The following PRIMA1 variants were observed in gnomAD, a reference collection of about 807,000 sequenced individuals.
PRIMA1 encodes the protein proline-rich membrane anchor 1.
A neutral mutation model predicts 17.5 loss-of-function variants in PRIMA1; 7 were observed. That is an observed-to-expected ratio of 0.40 (90% CI 0.23 to 0.75). PRIMA1 has a LOEUF of 0.75. Ranked by LOEUF, PRIMA1 falls within the 30% of genes least tolerant of loss-of-function variation. The pLI is 0.37. For synonymous variants in PRIMA1, 97 were observed against 77.9 expected, an observed-to-expected ratio of 1.25 and a Z score of -1.29; for missense variants, 200 against 201.8, an observed-to-expected ratio of 0.99 and a Z score of 0.05.
intron 3 of PRIMA1, among the ~76,000 whole-genome samples, chr14:93,758,659 T>C (rs1595211988): frequency 7.4e-6 from 1 of 134,856 alleles, no homozygotes; most frequent in African/African-American, 2.8e-5. Flanking sequence ...AAGCAAAGAG[T>C]AGAACAAAAG....
rs1024249848 is a variant in PRIMA1, at chr14:93,737,443, C to T, written c.230-73G>A. The stretch of plus-strand genomic sequence containing the variant: ...TGGCCAGTGACAGAGGTGGGACCAT[C>T]ATGGGTGACACCAACAGAGGCGTGG... On this transcript the variant is annotated intron_variant, in intron 3 of 4. Coordinates refer to ENST00000393140, the MANE Select transcript of PRIMA1 (RefSeq NM_178013.4). The T allele has an allele frequency of 8.4e-6, 13 of 1,550,142 alleles. No homozygotes were observed. In the African/African-American group the frequency reaches 1.6e-4, roughly 20 times the overall value.
At chr14:93,763,288 C>G (rs368094923) in intron 3 of PRIMA1, among the ~76,000 whole-genome samples, 1 of 152,194 alleles carries the variant, frequency 6.6e-6, no homozygotes, top group Non-Finnish European at 1.5e-5. Context: ...TCTAAACCCC[C>G]GATCAGTGCA....
intron 3 of PRIMA1, among the ~76,000 whole-genome samples, chr14:93,743,948 G>C (rs924453748): frequency 5.9e-5 from 9 of 152,244 alleles, no homozygotes; most frequent in Non-Finnish European, 1.0e-4. Flanking sequence ...TGTCCTCTTC[G>C]GCCCTGCCTC....
chr14:93,775,175 C>A (rs1404911502), intron 3 of PRIMA1, among the ~76,000 whole-genome samples: 7 of 152,232 alleles, frequency 4.6e-5, no homozygotes. Context: ...ATGCAAAGGA[C>A]ATCAGATGAG....
intron 3 of PRIMA1, among the ~76,000 whole-genome samples, chr14:93,778,582 G>C (rs1341406013): frequency 6.6e-6 from 1 of 152,226 alleles, no homozygotes; most frequent in African/African-American, 2.4e-5. Context: ...AGTAGCAATT[G>C]TAAACAGGGA....
At position 93,782,458 on chromosome 14, in the gene PRIMA1, A is replaced by AT. The variant is rs548733317; in HGVS notation, c.94-3148dup. On this transcript the variant is annotated intron_variant, in intron 2 of 4. Transcript: ENST00000393140. ...ATAGAGTGAGACCTCATCTCTACAA[A>AT]TTTTTTTTTTTAATTAGCTGGGCAT... 9.6e-3 allele frequency among the ~76,000 whole-genome samples: 1,435 copies of AT among 149,212 alleles called. 12 individuals carry two copies. The highest frequency in any genetic ancestry group is 0.03 in the African/African-American group (1,217 of 40,680).
Position 93,779,233 on chromosome 14 carries a change from G to T in PRIMA1, c.172C>A (p.Pro58Thr). Residue 58 changes from proline to threonine, a missense_variant, in exon 3 of 5, where the codon CCC (proline) becomes ACC (threonine). Transcript: ENST00000393140. ...CRHVCQCRPP[P>T]PLPPPPPPPP... ...GGTGGGGGCGGCGGGGGCAGCGGGGGAGGGGGCCGGCACTGGCAGACGTGT... is the reference window on the plus strand; with the variant it reads ...GGTGGGGGCGGCGGGGGCAGCGGGGTAGGGGGCCGGCACTGGCAGACGTGT... 1 of 1,094,122 alleles carries T rather than the reference G, an allele frequency of 9.1e-7. No individual in the cohort carries two copies. The highest frequency in any genetic ancestry group is 1.3e-6 in the Non-Finnish European group (1 of 775,666). 67.8% of individuals were successfully genotyped at this position (1,094,122 alleles called of 1,614,324 possible).
At chr14:93,787,498 T>C (rs992521390) in intron 2 of PRIMA1, 128 bp downstream of exon 2, 3 of 1,384,664 alleles carry the variant, frequency 2.2e-6, no homozygotes, top group Non-Finnish European at 3.0e-6. Context: ...GCAGCTTTTC[T>C]TTTCCCAAGC....
Position 93,747,729 on chromosome 14 carries a change from AGT to A in PRIMA1, c.230-10361_230-10360del, listed in dbSNP as rs201465719. ...GTGTGAGTGTATGAGTGTGTATATG[AGT>A]GTGCGAGTGGGAAGTGTGTGGAGTG... On this transcript the variant is annotated intron_variant, in intron 3 of 4. Transcript: ENST00000393140. Among the ~76,000 whole-genome samples the A allele has an allele frequency of 1.5e-3, 218 of 148,088 alleles. 1 individual carries two copies. The East Asian group carries it at 0.028, about 19-fold the overall frequency.
Position 93,737,327 on chromosome 14 carries a change from C to T in PRIMA1, c.273G>A (p.Ser91=), listed in dbSNP as rs751699834. 5 of 1,614,120 alleles carry T rather than the reference C, an allele frequency of 3.1e-6. No individual in the cohort carries two copies. Among genetic ancestry groups the T allele is most frequent in the East Asian group, 2.2e-5 (1 of 44,884 alleles). ...TSCPTEESWW[S]GLVIIIAVCC... ...ATACGGCAATGATGATCACCAGCCC[C>T]GACCACCAGCTTTCCTCAGTGGGGC... Residue 91 remains serine, a synonymous_variant, in exon 4 of 5, where the codon TCG becomes TCA. Transcript: ENST00000393140.
Position 93,721,506 on chromosome 14 carries a change from C to T in PRIMA1, c.400G>A (p.Glu134Lys). ...RKDENGTSVA[E>K]YPMSASQSNK... ...CTCTGCGAAGCACTCATGGGATACT[C>T]AGCAACGCTGGTGCCATTTTCGTCT... Residue 134 changes from glutamate (E) to lysine (K), a missense_variant, in exon 5 of 5, where the codon GAG becomes AAG. Coordinates refer to ENST00000393140, the MANE Select transcript of PRIMA1 (RefSeq NM_178013.4). The T allele has an allele frequency of 6.2e-7, 1 of 1,613,972 alleles. No homozygotes were observed. The highest frequency in any genetic ancestry group is 1.1e-5 in the South Asian group (1 of 91,052).
upstream of PRIMA1, among the ~76,000 whole-genome samples, chr14:93,788,887 C>T (rs1010230285): frequency 6.6e-6 from 1 of 151,742 alleles, no homozygotes; most frequent in Admixed American, 6.6e-5. Flanking sequence ...TTCCTGGTGG[C>T]GCCGCGCGGC....
At chr14:93,736,417 G>A (rs186478142) in intron 4 of PRIMA1, among the ~76,000 whole-genome samples, 3 of 152,344 alleles carry the variant, frequency 2.0e-5, no homozygotes, top group Non-Finnish European at 2.9e-5. Context: ...CTGAGGTATT[G>A]CTGATTACAG....
chr14:93,726,070 G>A lies in PRIMA1; in HGVS notation c.360-4524C>T. 6.6e-6 allele frequency: 3 copies of A among 456,404 alleles called. No individual in the cohort carries two copies. The highest frequency in any genetic ancestry group is 4.6e-5 in the South Asian group (3 of 64,550). The allele number at this position is 456,404 out of a possible 1,614,324, so 28.3% of individuals were successfully genotyped here. On this transcript the variant is annotated intron_variant, in intron 4 of 4. Coordinates refer to ENST00000393140, the MANE Select transcript of PRIMA1 (RefSeq NM_178013.4). The surrounding 1 kb of genome is among the most constrained non-coding windows in gnomAD (Gnocchi z 4.2). ...CGGCACCCAGGATTCCTGCTTGTAGGAGGGTGGGCTCTGCCACCTTCAGAC... is the reference window on the plus strand; with the variant it reads ...CGGCACCCAGGATTCCTGCTTGTAGAAGGGTGGGCTCTGCCACCTTCAGAC...
At chr14:93,758,594 CAAAAAAAA>C (rs34329291) in intron 3 of PRIMA1, among the ~76,000 whole-genome samples, 1 of 81,346 alleles carries the variant, frequency 1.2e-5, no homozygotes, top group Admixed American at 1.4e-4. Context: ...GCAAGACTCT[CAAAAAAAA>C]AAAAAAAAAA....
rs115430722 is a variant in PRIMA1 at position 93,726,729 on chromosome 14, A to G, written c.360-5183T>C. Among the ~76,000 whole-genome samples, 343 of 152,186 alleles carry G rather than the reference A, an allele frequency of 2.3e-3. 1 individual carries two copies. Among genetic ancestry groups the G allele is most frequent in the African/African-American group, 7.9e-3 (326 of 41,482 alleles). The stretch of plus-strand genomic sequence containing the variant: ...TACAAACATGTACTTACACACACAC[A>G]TATATGTACACACAGGCACATACGC... On this transcript the variant is annotated intron_variant, in intron 4 of 4. Coordinates refer to ENST00000393140, the MANE Select transcript of PRIMA1 (RefSeq NM_178013.4). The surrounding 1 kb of genome is among the most constrained non-coding windows in gnomAD (Gnocchi z 4.2).
At chr14:93,771,740 A>G (rs987032851) in intron 3 of PRIMA1, among the ~76,000 whole-genome samples, 1 of 152,206 alleles carries the variant, frequency 6.6e-6, no homozygotes, top group Non-Finnish European at 1.5e-5. Flanking sequence ...AGGAAATCTG[A>G]GCTGAGATCA....
In PRIMA1 at chr14:93,722,593, T is replaced by C. The variant is rs574807195; in HGVS notation, c.360-1047A>G. 4.9e-5 allele frequency among the ~76,000 whole-genome samples: 7 copies of C among 142,030 alleles called. No individual in the cohort carries two copies. The South Asian group carries it at 1.5e-3, about 31-fold the overall frequency. The allele number at this position is 142,030 out of a possible 152,430, so 93.2% of individuals were successfully genotyped here. On this transcript the variant is annotated intron_variant, in intron 4 of 4. Coordinates refer to ENST00000393140, the MANE Select transcript of PRIMA1 (RefSeq NM_178013.4). Reference sequence around the variant, plus strand: ...AAGGTTAAAATGCTGGTGGTGATAGTGATGGTGGTTATATGGTGGTGGAGG... The same window carrying C: ...AAGGTTAAAATGCTGGTGGTGATAGCGATGGTGGTTATATGGTGGTGGAGG...
chr14:93,773,555 C>T (rs1421825333), intron 3 of PRIMA1, among the ~76,000 whole-genome samples: 1 of 152,232 alleles, frequency 6.6e-6, no homozygotes, highest in Non-Finnish European at 1.5e-5. Flanking sequence ...AACCCCTGGT[C>T]AAGTGCCCAG....
Sources: gnomAD v4.1 joint callset for allele counts (sites outside exome capture counted in the v4.1 genomes callset) on GRCh38, gnomAD v4.1.1 for gene constraint, Gnocchi (gnomAD v3.1) non-coding constraint, MANE v1.5 for transcripts, NCBI Gene and HGNC (gene_info 2026-07-23, HGNC 2026-07-21) for gene names.